RBFOX1: variants seen among roughly 807,000 people sequenced by gnomAD.
RBFOX1 encodes RNA binding protein fox-1 homolog 1.
RBFOX1 carries 8 observed loss-of-function variants against 57.7 expected under a neutral mutation model. The observed-to-expected ratio is 0.14, with a 90% confidence interval of 0.08 to 0.25. RBFOX1 has a LOEUF of 0.25. Among genes scored for constraint, RBFOX1 ranks in the 10% least tolerant of loss-of-function variants. The pLI is 1.00. For synonymous variants in RBFOX1, 326 were observed against 222.4 expected, an observed-to-expected ratio of 1.47 and a Z score of -4.15; for missense variants, 611 against 548.5, an observed-to-expected ratio of 1.11 and a Z score of -1.14.
intron 3 of RBFOX1, among the ~76,000 whole-genome samples, chr16:5,637,268 G>C (rs994685276): frequency 6.6e-6 from 1 of 152,204 alleles, no homozygotes; most frequent in African/African-American, 2.4e-5. Flanking sequence ...CATCGTACAA[G>C]GTGGGAAAAT....
intron 2 of RBFOX1, among the ~76,000 whole-genome samples, chr16:6,492,163 G>C (rs1008426718): frequency 6.6e-6 from 1 of 152,116 alleles, no homozygotes; most frequent in African/African-American, 2.4e-5. Flanking sequence ...TTGTATATGT[G>C]AAAGTTTTAT....
intron 1 of RBFOX1, among the ~76,000 whole-genome samples, chr16:5,421,445 C>T (rs936526097): frequency 1.5e-4 from 23 of 152,300 alleles, no homozygotes; most frequent in African/African-American, 5.5e-4. Flanking sequence ...TGGGGGTGTC[C>T]ACGTGCAAGT....
At chr16:6,692,693 G>C (rs1268315719) in intron 3 of RBFOX1, among the ~76,000 whole-genome samples, 1 of 151,282 alleles carries the variant, frequency 6.6e-6, no homozygotes, top group Non-Finnish European at 1.5e-5. Flanking sequence ...CCAACACCTA[G>C]TTGAAATGCC....
At chr16:6,843,107 G>A (rs1200594937) in intron 3 of RBFOX1, among the ~76,000 whole-genome samples, 1 of 152,096 alleles carries the variant, frequency 6.6e-6, no homozygotes, top group Non-Finnish European at 1.5e-5. Context: ...TTGTAAATAG[G>A]TTGTTTCTTA....
intron 3 of RBFOX1, among the ~76,000 whole-genome samples, chr16:6,998,984 TCGG>T (rs2092517530): frequency 6.6e-6 from 1 of 151,366 alleles, no homozygotes; most frequent in Non-Finnish European, 1.5e-5. Flanking sequence ...TTCTCGTGCC[TCGG>T]CATCCTGAGT....
At chr16:5,843,439 A>G (rs953813037) in intron 3 of RBFOX1, among the ~76,000 whole-genome samples, 1 of 152,170 alleles carries the variant, frequency 6.6e-6, no homozygotes, top group Non-Finnish European at 1.5e-5. Context: ...CTCCAGCTCC[A>G]TGCATGTTCC....
chr16:6,649,009 T>C lies in RBFOX1; in HGVS notation c.-63-5594T>C, dbSNP rs79181520. On this transcript the variant is annotated intron_variant, in intron 2 of 15. Transcript: ENST00000550418. ...CTTAGCAATTTTCAAGATTACAACATGTTGTGAACTGTAGTCACCATGTTG... is the reference window on the plus strand; with the variant it reads ...CTTAGCAATTTTCAAGATTACAACACGTTGTGAACTGTAGTCACCATGTTG... 2.6e-3 allele frequency among the ~76,000 whole-genome samples: 395 copies of C among 152,278 alleles called. 2 individuals are homozygous for C. The highest frequency in any genetic ancestry group is 8.6e-3 in the African/African-American group (358 of 41,562).
chr16:6,303,454 A>G (rs1477261529), intron 1 of RBFOX1, among the ~76,000 whole-genome samples: 1 of 152,070 alleles, frequency 6.6e-6, no homozygotes, highest in Non-Finnish European at 1.5e-5. Flanking sequence ...TTTATAGAGC[A>G]ATGAGTTATG....
At chr16:6,596,227 G>A (rs2097775472) in intron 2 of RBFOX1, among the ~76,000 whole-genome samples, 1 of 151,870 alleles carries the variant, frequency 6.6e-6, no homozygotes, top group Non-Finnish European at 1.5e-5. Flanking sequence ...TCTTTTTTCT[G>A]GGAGTTGTAT....
intron 11 of RBFOX1, 52 bp downstream of exon 11, chr16:7,630,735 A>T (rs374977517): frequency 6.2e-7 from 1 of 1,608,938 alleles, no homozygotes; most frequent in African/African-American, 1.3e-5. Context: ...TCTGAGTCCA[A>T]TCACCTTCCC....
chr16:5,908,651 C>T (rs962463681), intron 4 of RBFOX1, among the ~76,000 whole-genome samples: 2 of 152,088 alleles, frequency 1.3e-5, no homozygotes, highest in African/African-American at 2.4e-5. Context: ...ATATGATCCT[C>T]CCTACTAGGG....
intron 3 of RBFOX1, among the ~76,000 whole-genome samples, chr16:6,658,920 G>GT (rs1469172243): frequency 1.4e-3 from 127 of 88,402 alleles, no homozygotes; most frequent in Middle Eastern, 5.6e-3. Context: ...TTGTTTTTTT[G>GT]TTTTTTGGTT....
intron 4 of RBFOX1, among the ~76,000 whole-genome samples, chr16:5,908,095 T>TATACACACAC (rs1567133450): frequency 7.1e-6 from 1 of 139,888 alleles, no homozygotes; most frequent in African/African-American, 3.0e-5. Context: ...TACACATATA[T>TATACACACAC]ACACATATAT....
At chr16:5,430,863 A>G (rs753602301) in intron 1 of RBFOX1, among the ~76,000 whole-genome samples, 1 of 152,224 alleles carries the variant, frequency 6.6e-6, no homozygotes, top group Non-Finnish European at 1.5e-5. Context: ...ATAGCCTCCA[A>G]AGAAGTTTTG....
intron 3 of RBFOX1, among the ~76,000 whole-genome samples, chr16:5,639,725 G>A (rs186381513): frequency 1.5e-4 from 23 of 152,294 alleles, no homozygotes; most frequent in Admixed American, 1.4e-3. Flanking sequence ...GAGGCTGCTC[G>A]GCATTTGGGC....
intron 4 of RBFOX1, among the ~76,000 whole-genome samples, chr16:7,290,657 C>T (rs2095751780): frequency 6.6e-6 from 1 of 152,192 alleles, no homozygotes; most frequent in East Asian, 1.9e-4. Context: ...CTACAGTAAG[C>T]CAAGTGCTGT....
intron 4 of RBFOX1, among the ~76,000 whole-genome samples, chr16:7,259,818 A>G (rs1345973580): frequency 6.6e-6 from 1 of 152,190 alleles, no homozygotes; most frequent in Admixed American, 6.5e-5. Context: ...TTCTCCAGAA[A>G]GGATAATTTT....
chr16:6,823,285 C>G (rs917417353), intron 3 of RBFOX1, among the ~76,000 whole-genome samples: 2 of 150,698 alleles, frequency 1.3e-5, no homozygotes, highest in African/African-American at 4.9e-5. Context: ...CAGAAAGAGT[C>G]TTGCTCTGTC....
intron 4 of RBFOX1, among the ~76,000 whole-genome samples, chr16:7,164,748 G>T (rs1397094688): frequency 6.6e-6 from 1 of 152,118 alleles, no homozygotes; most frequent in East Asian, 1.9e-4. Flanking sequence ...TGTTAAGGTG[G>T]TATTATAATT....
Sources: gnomAD v4.1 joint callset for allele counts (sites outside exome capture counted in the v4.1 genomes callset) on GRCh38, gnomAD v4.1.1 for gene constraint, MANE v1.5 for transcripts, NCBI Gene and HGNC (gene_info 2026-07-23, HGNC 2026-07-21) for gene names.